The following NFAT5 variants were observed in gnomAD, a reference collection of about 807,000 sequenced individuals.
NFAT5 encodes nuclear factor of activated T-cells 5.
A neutral mutation model predicts 166.5 loss-of-function variants in NFAT5; 31 were observed. That is an observed-to-expected ratio of 0.19 (90% confidence interval 0.14 to 0.25). The LOEUF (loss-of-function observed/expected upper bound fraction) is 0.25, where lower values mean the gene tolerates loss of function less well. NFAT5 is among the 10% of genes least tolerant of loss of function. The probability of loss-of-function intolerance (pLI) is 1.00; values close to 1 mark genes in which losing one functional copy is unlikely to be tolerated. For synonymous variants in NFAT5, 612 were observed against 639.7 expected (o/e 0.96, Z 0.65); for missense variants, 1,449 against 1,821.8 (o/e 0.80, Z 3.72).
At position 69,647,804 on chromosome 16, in the gene NFAT5, T is replaced by C. The variant is rs1011890697; in HGVS notation, c.812+218T>C. Among the ~76,000 whole-genome samples the C allele has an allele frequency of 2.6e-5, 4 of 152,086 alleles. No individual in the cohort carries two copies. The highest frequency in any genetic ancestry group is 9.7e-5 in the African/African-American group (4 of 41,414). ...GATTCTAGCAATAGATATCTTATTA[T>C]CAGTATAGTTAGGTAGTAGAAAATG... On this transcript the variant is annotated intron_variant, in intron 4 of 14. Transcript: ENST00000349945. The surrounding 1 kb of genome is among the most constrained non-coding windows in gnomAD (Gnocchi z 4.8).
intron 7 of NFAT5, among the ~76,000 whole-genome samples, chr16:69,661,921 T>G (rs2036162077): frequency 6.6e-6 from 1 of 152,084 alleles, no homozygotes; most frequent in Non-Finnish European, 1.5e-5. Context: ...TCCATATATG[T>G]GTATATAAAA....
intron 7 of NFAT5, among the ~76,000 whole-genome samples, chr16:69,666,910 T>G (rs1175220314): frequency 6.6e-6 from 1 of 151,910 alleles, no homozygotes; most frequent in Non-Finnish European, 1.5e-5. Flanking sequence ...TAGCAAAGAC[T>G]TGGAACCAAC....
chr16:69,664,496 A>C (rs544024311), intron 7 of NFAT5, among the ~76,000 whole-genome samples: 2 of 152,054 alleles, frequency 1.3e-5, no homozygotes, highest in South Asian at 4.2e-4. Context: ...CGTGTTAGCC[A>C]GGATGGTCTC....
rs2037855034 is a variant in NFAT5, at chr16:69,699,372, G to A, written c.*3021G>A. 1.3e-5 allele frequency: 2 copies of A among 152,612 alleles called. No homozygotes were observed. Among genetic ancestry groups the A allele is most frequent in the South Asian group, 2.1e-4 (1 of 4,828 alleles). The allele number at this position is 152,612 out of a possible 1,614,324, so 9.5% of individuals were successfully genotyped here. ...ATACCTGAACTGTAGTGGTTTGATC[G>A]GATGGAGACAGAAAACCCGATTTTT... On this transcript the variant is annotated 3_prime_UTR_variant, in exon 15 of 15. Coordinates refer to ENST00000349945, the MANE Select transcript of NFAT5 (RefSeq NM_138713.4).
intron 2 of NFAT5, among the ~76,000 whole-genome samples, chr16:69,598,029 G>C (rs2032905037): frequency 6.6e-6 from 1 of 152,106 alleles, no homozygotes; most frequent in Non-Finnish European, 1.5e-5. Context: ...ATTATGACTT[G>C]TTGCTATGAT....
In NFAT5 at chr16:69,655,795, C is replaced by T; in HGVS notation, c.1192C>T (p.Leu398=). Residue 398 remains leucine (L), a synonymous_variant, in exon 6 of 15, where the codon CTG becomes TTG. Coordinates refer to ENST00000349945, the MANE Select transcript of NFAT5 (RefSeq NM_138713.4). ...CCTTGATCCTAGCAACAACATGACA[C>T]TGGCGTAAGTACTTAGTAAGAATTT... ...VGLDPSNNMT[L]AVDCVGILKL... 3 of 1,611,506 alleles carry T rather than the reference C, an allele frequency of 1.9e-6. No individual in the cohort carries two copies. The highest frequency in any genetic ancestry group is 2.5e-6 in the Non-Finnish European group (3 of 1,178,364).
chr16:69,641,569 ATTTC>A (rs1463210731), intron 3 of NFAT5, among the ~76,000 whole-genome samples: 4 of 152,118 alleles, frequency 2.6e-5, no homozygotes, highest in East Asian at 3.8e-4. Context: ...AGTGAAAGGT[ATTTC>A]TTTCTTTTGA....
chr16:69,626,410 C>A lies in NFAT5; in HGVS notation c.135C>A (p.Val45=). 1 of 1,573,320 alleles carries A rather than the reference C, an allele frequency of 6.4e-7. No homozygotes were observed. The highest frequency in any genetic ancestry group is 1.2e-5 in the South Asian group (1 of 84,184). The change falls in exon 3 of 15, where the codon GTC becomes GTA. Residue 45 remains valine (V), a synonymous_variant. Transcript: ENST00000349945. The part of the protein sequence containing the change: ...FHRAGLLEES[V]YDLLPKELQL... Reference sequence around the variant, plus strand: ...TCTTTCCCCTCCCCACAGAATCTGTCTATGATCTTCTCCCAAAGGAGTTAC... The same window carrying A: ...TCTTTCCCCTCCCCACAGAATCTGTATATGATCTTCTCCCAAAGGAGTTAC...
chr16:69,594,794 A>G (rs1223599869), intron 2 of NFAT5, among the ~76,000 whole-genome samples: 8 of 152,290 alleles, frequency 5.3e-5, no homozygotes, highest in African/African-American at 1.9e-4. Context: ...AGGGGAGCTT[A>G]TTAAGGAGTA....
intron 4 of NFAT5, 143 bp from the exon 5 acceptor site, chr16:69,653,093 G>T (rs913775473): frequency 1.5e-5 from 8 of 536,106 alleles, no homozygotes; most frequent in Non-Finnish European, 2.2e-5. Context: ...CTTCCTTTAG[G>T]CAATATTTTA....
intron 2 of NFAT5, among the ~76,000 whole-genome samples, chr16:69,593,129 A>G (rs2032574832): frequency 6.6e-6 from 1 of 152,146 alleles, no homozygotes; most frequent in African/African-American, 2.4e-5. Context: ...TACTCTTACT[A>G]ACTATGAATA....
intron 2 of NFAT5, among the ~76,000 whole-genome samples, chr16:69,587,672 A>G (rs2032170056): frequency 1.3e-5 from 2 of 152,170 alleles, no homozygotes; most frequent in Non-Finnish European, 2.9e-5. Flanking sequence ...TATAGGCATG[A>G]GCCACTGTGC....
At chr16:69,664,575 G>A (rs181136756) in intron 7 of NFAT5, among the ~76,000 whole-genome samples, 41 of 152,192 alleles carry the variant, frequency 2.7e-4, no homozygotes, top group South Asian at 2.1e-4. Flanking sequence ...GTGAGCCACC[G>A]CACCCGGCCT....
chr16:69,647,822 AGAAAAT>A lies in NFAT5; in HGVS notation c.812+243_812+248del, dbSNP rs1351038264. Among the ~76,000 whole-genome samples the A allele has an allele frequency of 6.6e-6, 1 of 152,254 alleles. No homozygotes were observed. The highest frequency in any genetic ancestry group is 2.4e-5 in the African/African-American group (1 of 41,560). ...CTTATTATCAGTATAGTTAGGTAGT[AGAAAAT>A]GAAAATAATCTGTTCTGAAATAAAT... is the stretch of plus-strand genomic sequence containing the variant. On this transcript the variant is annotated intron_variant, in intron 4 of 14. Coordinates refer to ENST00000349945, the MANE Select transcript of NFAT5 (RefSeq NM_138713.4). The surrounding 1 kb of genome is among the most constrained non-coding windows in gnomAD (Gnocchi z 4.8).
At chr16:69,611,788 G>A (rs182904504) in intron 2 of NFAT5, among the ~76,000 whole-genome samples, 23 of 152,314 alleles carry the variant, frequency 1.5e-4, no homozygotes, top group Non-Finnish European at 4.4e-5. Flanking sequence ...TTGGATGTTA[G>A]GTTCCAACAT....
chr16:69,602,782 T>G (rs2033202733), intron 2 of NFAT5, among the ~76,000 whole-genome samples: 1 of 151,512 alleles, frequency 6.6e-6, no homozygotes, highest in South Asian at 2.1e-4. Flanking sequence ...TTTTTTTGTT[T>G]TTTTTTTTGG....
At chr16:69,582,990 T>A (rs1424052233) in intron 2 of NFAT5, among the ~76,000 whole-genome samples, 1 of 151,700 alleles carries the variant, frequency 6.6e-6, no homozygotes, top group Non-Finnish European at 1.5e-5. Flanking sequence ...AATATTTTTG[T>A]CCATGAACAT....
intron 4 of NFAT5, chr16:69,648,426 A>G: frequency 1.0e-6 from 1 of 982,912 alleles, no homozygotes; most frequent in South Asian, 4.7e-5. Context: ...TTTGATACTA[A>G]TACATTGATT....
At chr16:69,683,593 A>T (rs970247135) in intron 10 of NFAT5, among the ~76,000 whole-genome samples, 1 of 152,240 alleles carries the variant, frequency 6.6e-6, no homozygotes, top group Non-Finnish European at 1.5e-5. Context: ...AGCAAGAACG[A>T]ATTTATTTGT....
Sources: allele counts gnomAD v4.1 joint callset (sites outside exome capture counted in the v4.1 genomes callset), GRCh38; gene constraint gnomAD v4.1.1; non-coding constraint Gnocchi (gnomAD v3.1); transcripts MANE v1.5; gene names NCBI Gene and HGNC (gene_info 2026-07-23, HGNC 2026-07-21).